HECTD2: variants seen among roughly 807,000 people sequenced by gnomAD.
HECTD2 encodes HECT domain E3 ubiquitin protein ligase 2.
A neutral mutation model predicts 103.2 loss-of-function variants in HECTD2; 35 were observed. The observed-to-expected ratio is 0.34, with a 90% confidence interval of 0.26 to 0.45. HECTD2 has a LOEUF of 0.45. Among genes scored for constraint, HECTD2 ranks in the 20% least tolerant of loss-of-function variants. HECTD2 has a pLI of 1.00. For synonymous variants in HECTD2, 281 were observed against 329.9 expected (o/e 0.85, Z 1.61); for missense variants, 596 against 937.4 (o/e 0.64, Z 4.76).
chr10:91,487,548 ATC>A lies in HECTD2; in HGVS notation c.1095-133_1095-132del. The stretch of plus-strand genomic sequence containing the variant: ...AATTAAAAGAAATTATACACATACA[ATC>A]ATTTTGTATATGGTAAAACACAATC... On this transcript the variant is annotated intron_variant, in intron 10 of 20. Coordinates refer to ENST00000298068, the MANE Select transcript of HECTD2 (RefSeq NM_182765.6). This position sits in a 1 kb window ranked among gnomAD's most constrained non-coding sequence, Gnocchi z 4.1. The A allele has an allele frequency of 1.4e-6, 1 of 716,254 alleles. No individual in the cohort carries two copies. Among genetic ancestry groups the A allele is most frequent in the Non-Finnish European group, 2.6e-6 (1 of 385,696 alleles). 44.4% of individuals were successfully genotyped at this position (716,254 alleles called of 1,614,324 possible). A position where few individuals can be genotyped will look rare whatever the true frequency, so the allele number is the denominator to read the frequency against.
intron 20 of HECTD2, among the ~76,000 whole-genome samples, chr10:91,504,604 C>A (rs1187099444): frequency 1.3e-5 from 2 of 151,734 alleles, no homozygotes; most frequent in Admixed American, 1.3e-4. Context: ...ACGAGCAAAG[C>A]CTCCAAGAAA....
chr10:91,478,516 T>C (rs578178924), intron 6 of HECTD2, among the ~76,000 whole-genome samples: 1 of 152,278 alleles, frequency 6.6e-6, no homozygotes, highest in South Asian at 2.1e-4. Context: ...GTAAAGTTTT[T>C]TCTATGCAGA....
Position 91,500,596 on chromosome 10 carries a change from CA to C in HECTD2, c.2050del (p.Thr684ArgfsTer3). On this transcript the variant is annotated frameshift_variant, in exon 19 of 21. Transcript: ENST00000298068. LOFTEE classifies it high-confidence loss of function. ...LQRSTQYDGY[A>X]KTDLTIKYFW... ...AGAAGTACTCAGTATGATGGCTATG[CA>C]AAAACGGACTTAACTATAAAGTGAG... is the stretch of plus-strand genomic sequence containing the variant. The C allele has an allele frequency of 1.3e-6, 2 of 1,592,578 alleles. No homozygotes were observed. Among genetic ancestry groups the C allele is most frequent in the African/African-American group, 1.3e-5 (1 of 74,574 alleles).
chr10:91,433,456 A>G (rs1381370518), intron 2 of HECTD2, among the ~76,000 whole-genome samples: 3 of 151,954 alleles, frequency 2.0e-5, no homozygotes, highest in Non-Finnish European at 4.4e-5. Flanking sequence ...CTTTTTGTCC[A>G]GTTCATGTAT....
chr10:91,497,852 T>C (rs1846745726), intron 15 of HECTD2, among the ~76,000 whole-genome samples: 3 of 152,314 alleles, frequency 2.0e-5, no homozygotes, highest in African/African-American at 7.2e-5. Flanking sequence ...ATTAGAGGTA[T>C]GCTTAGCTTG....
In HECTD2 at chr10:91,458,876, A is replaced by G. The variant is rs114964653; in HGVS notation, c.269-1551A>G. 3.1e-3 allele frequency among the ~76,000 whole-genome samples: 476 copies of G among 152,130 alleles called. 3 individuals carry two copies. Among genetic ancestry groups the G allele is most frequent in the African/African-American group, 0.011 (459 of 41,566 alleles). On this transcript the variant is annotated intron_variant, in intron 2 of 20. Coordinates refer to ENST00000298068, the MANE Select transcript of HECTD2 (RefSeq NM_182765.6). ...CAATCCATAAGAGAAAAATTTATCA[A>G]TTTGACTTCATCAAAATTTAAAAGT...
In HECTD2 at chr10:91,461,368, T is replaced by C. The variant is rs773128987; in HGVS notation, c.510+12T>C. 8.3e-7 allele frequency: 1 copy of C among 1,200,118 alleles called. No homozygotes were observed. The highest frequency in any genetic ancestry group is 2.5e-5 in the Admixed American group (1 of 39,854). 74.3% of individuals were successfully genotyped at this position (1,200,118 alleles called of 1,614,324 possible). Reference sequence around the variant, plus strand: ...ATGCTGCATTTAAGGTAATTATACATAAAACACACTTTTCATTTCACTTTT... The same window carrying C: ...ATGCTGCATTTAAGGTAATTATACACAAAACACACTTTTCATTTCACTTTT... On this transcript the variant is annotated intron_variant, in intron 4 of 20. Transcript: ENST00000298068.
At chr10:91,480,456 G>A (rs1332896752) in intron 6 of HECTD2, among the ~76,000 whole-genome samples, 1 of 151,954 alleles carries the variant, frequency 6.6e-6, no homozygotes, top group Non-Finnish European at 1.5e-5. Flanking sequence ...TTGTCATAGA[G>A]GTGAACCATT....
chr10:91,430,520 CT>C lies in HECTD2; in HGVS notation c.268+5113del, dbSNP rs1843807962. 1.2e-4 allele frequency among the ~76,000 whole-genome samples: 19 copies of C among 152,240 alleles called. No individual in the cohort carries two copies. The South Asian group carries it at 3.9e-3, about 32-fold the overall frequency. ...TATTAATGTGTGGGAGTCTAAGTCT[CT>C]TTGTAGGTCACTCAGGACTTGTTTT... is the stretch of plus-strand genomic sequence containing the variant. On this transcript the variant is annotated intron_variant, in intron 2 of 20. Coordinates refer to ENST00000298068, the MANE Select transcript of HECTD2 (RefSeq NM_182765.6).
At chr10:91,449,863 C>G (rs753962972) in intron 2 of HECTD2, among the ~76,000 whole-genome samples, 19 of 152,202 alleles carry the variant, frequency 1.2e-4, no homozygotes, top group Admixed American at 9.2e-4. Context: ...AATCACTCCT[C>G]AAGGAAATAA....
intron 15 of HECTD2, 40 bp downstream of exon 15, chr10:91,496,412 AATC>A: frequency 6.8e-7 from 1 of 1,462,764 alleles, no homozygotes; most frequent in South Asian, 1.2e-5. Context: ...TTTAATGCGA[AATC>A]ATCTTTTTTC....
chr10:91,503,322 G>C (rs1846982033), intron 20 of HECTD2, among the ~76,000 whole-genome samples: 1 of 152,256 alleles, frequency 6.6e-6, no homozygotes, highest in Non-Finnish European at 1.5e-5. Flanking sequence ...CCCAGCCTGA[G>C]CGACGCAGAA....
chr10:91,451,460 G>A (rs1048842247), intron 2 of HECTD2, among the ~76,000 whole-genome samples: 3 of 152,008 alleles, frequency 2.0e-5, no homozygotes, highest in African/African-American at 7.2e-5. Context: ...CATGGCATAT[G>A]TATACCTATG....
At chr10:91,438,625 T>C (rs1240760973) in intron 2 of HECTD2, among the ~76,000 whole-genome samples, 1 of 152,212 alleles carries the variant, frequency 6.6e-6, no homozygotes, top group Non-Finnish European at 1.5e-5. Flanking sequence ...ATGGTATTTC[T>C]GGTTGTAGAT....
At chr10:91,497,927 G>A (rs919794532) in intron 15 of HECTD2, among the ~76,000 whole-genome samples, 181 bp from the exon 16 acceptor site, 2 of 152,044 alleles carry the variant, frequency 1.3e-5, no homozygotes, top group South Asian at 4.1e-4. Context: ...CCCCATCTAT[G>A]ACCTATAATG....
intron 1 of HECTD2, among the ~76,000 whole-genome samples, chr10:91,424,248 T>C (rs971573074): frequency 6.6e-6 from 1 of 152,150 alleles, no homozygotes; most frequent in Non-Finnish European, 1.5e-5. Context: ...ACTTGTGGCC[T>C]GTTAGAATGA....
intron 19 of HECTD2, 109 bp from the exon 20 acceptor site, chr10:91,501,082 A>G (rs186623421): frequency 2.4e-6 from 2 of 842,922 alleles, no homozygotes; most frequent in East Asian, 2.6e-5. Context: ...GAAATTCAGG[A>G]TATTATGTAT....
chr10:91,475,628 G>C (rs939990761), intron 5 of HECTD2, among the ~76,000 whole-genome samples: 1 of 152,206 alleles, frequency 6.6e-6, no homozygotes, highest in African/African-American at 2.4e-5. Flanking sequence ...CTTTCACTAT[G>C]AAGGGAAGCA....
intron 5 of HECTD2, among the ~76,000 whole-genome samples, chr10:91,475,925 G>T (rs1160739985): frequency 6.6e-6 from 1 of 152,188 alleles, no homozygotes. Context: ...TGGAGGTGGG[G>T]ACCTGAGGGA....
Sources: allele counts gnomAD v4.1 joint callset (sites outside exome capture counted in the v4.1 genomes callset), GRCh38; gene constraint gnomAD v4.1.1; non-coding constraint Gnocchi (gnomAD v3.1); transcripts MANE v1.5; gene names NCBI Gene and HGNC (gene_info 2026-07-23, HGNC 2026-07-21).